The following ARPP21 variants were observed in gnomAD, a reference collection of about 807,000 sequenced individuals.
ARPP21 encodes the protein cAMP regulated phosphoprotein 21, also known as cAMP-regulated phosphoprotein 21.
ARPP21 carries 69 observed loss-of-function variants against 113.2 expected under a neutral mutation model. The ratio of observed to expected loss-of-function variants is 0.61; its 90% CI spans 0.50 to 0.74. The LOEUF is 0.74. ARPP21 is among the 30% of genes least tolerant of loss of function. The probability of loss-of-function intolerance (pLI) is 0.00; values close to 1 mark genes in which losing one functional copy is unlikely to be tolerated. For missense variants in ARPP21, 1,070 were observed against 1,037.4 expected (o/e 1.03, Z -0.43); for synonymous variants, 368 against 375.5 (o/e 0.98, Z 0.23).
In ARPP21 at chr3:35,691,012, C is replaced by T; in HGVS notation, c.686+7C>T. The T allele has an allele frequency of 6.2e-7, 1 of 1,603,486 alleles. No individual in the cohort carries two copies. Among genetic ancestry groups the T allele is most frequent in the Non-Finnish European group, 8.5e-7 (1 of 1,175,530 alleles). On this transcript the variant is annotated splice_region_variant and intron_variant, in intron 9 of 20. Transcript: ENST00000684406. ...AGACCAGCAGCACCAGAATGTAAGC[C>T]CCATCACTGTACTTATTTAGCATTT...
chr3:35,699,708 T>C (rs1184737990), intron 9 of ARPP21, among the ~76,000 whole-genome samples: 2 of 151,722 alleles, frequency 1.3e-5, no homozygotes, highest in Admixed American at 1.3e-4. Context: ...ATTTGGCAAT[T>C]CCCTGTCAAG....
At chr3:35,686,826 G>C (rs2080749267) in intron 5 of ARPP21, among the ~76,000 whole-genome samples, 1 of 151,348 alleles carries the variant, frequency 6.6e-6, no homozygotes, top group Non-Finnish European at 1.5e-5. Context: ...ATATGATTTG[G>C]CTCATTCTTC....
At chr3:35,755,361 T>C (rs1275279466) in intron 19 of ARPP21, among the ~76,000 whole-genome samples, 3 of 152,042 alleles carry the variant, frequency 2.0e-5, no homozygotes, top group Non-Finnish European at 4.4e-5. Context: ...TTTCTATCTT[T>C]AACTCTTGAC....
At chr3:35,745,365 C>A (rs2094960170) in intron 19 of ARPP21, among the ~76,000 whole-genome samples, 1 of 152,140 alleles carries the variant, frequency 6.6e-6, no homozygotes. Context: ...GGTTAATTTA[C>A]AATCTTGAGG....
chr3:35,697,341 C>G (rs2084451253), intron 9 of ARPP21, among the ~76,000 whole-genome samples: 1 of 151,660 alleles, frequency 6.6e-6, no homozygotes, highest in Non-Finnish European at 1.5e-5. Flanking sequence ...GAGGCTATAC[C>G]TTAAGTGCCC....
chr3:35,731,082 T>C (rs1024902292), intron 15 of ARPP21, among the ~76,000 whole-genome samples: 1 of 152,208 alleles, frequency 6.6e-6, no homozygotes, highest in Admixed American at 6.5e-5. Flanking sequence ...TTCTTTCACT[T>C]TTAATTGAGA....
At chr3:35,656,919 A>T (rs1243789057) in intron 1 of ARPP21, among the ~76,000 whole-genome samples, 1 of 152,082 alleles carries the variant, frequency 6.6e-6, no homozygotes, top group African/African-American at 2.4e-5. Context: ...TAAATAAAAT[A>T]TGCTTTATTT....
intron 5 of ARPP21, 100 bp from the exon 6 acceptor site, chr3:35,687,639 T>C: frequency 9.1e-7 from 1 of 1,099,680 alleles, no homozygotes. Flanking sequence ...AATCTGCACC[T>C]GGTTTTCATT....
At chr3:35,789,952 C>G (rs773921449) in intron 19 of ARPP21, among the ~76,000 whole-genome samples, 7 of 152,136 alleles carry the variant, frequency 4.6e-5, no homozygotes, top group South Asian at 2.1e-4. Context: ...AAACAAATGC[C>G]TCTGTGAAAG....
At chr3:35,705,701 G>A (rs2088654191) in intron 9 of ARPP21, among the ~76,000 whole-genome samples, 1 of 151,972 alleles carries the variant, frequency 6.6e-6, no homozygotes, top group Non-Finnish European at 1.5e-5. Context: ...CTTTAAAAGA[G>A]GCAAAAATTA....
chr3:35,737,349 C>T lies in ARPP21; in HGVS notation c.1631C>T (p.Pro544Leu), dbSNP rs993360575. 6.2e-7 allele frequency: 1 copy of T among 1,608,910 alleles called. No homozygotes were observed. Among genetic ancestry groups the T allele is most frequent in the Non-Finnish European group, 8.5e-7 (1 of 1,176,752 alleles). The change falls in exon 16 of 21, where the codon CCT (proline) becomes CTT (leucine). Residue 544 changes from proline (P) to leucine (L), a missense_variant. Transcript: ENST00000684406. ...CCACCGCAGCCACAGATGGCAGGCC[C>T]TCTGGTCACTCAGGTAGGGGGCTGG... is the stretch of plus-strand genomic sequence containing the variant. ...VQPPQPQMAG[P>L]LVTQSVQGLQ... is the part of the protein sequence containing the mutation.
chr3:35,750,010 TTTCA>T (rs758292298), intron 19 of ARPP21, among the ~76,000 whole-genome samples: 23 of 151,960 alleles, frequency 1.5e-4, no homozygotes, highest in Non-Finnish European at 2.9e-4. Flanking sequence ...ACTAGCTCTG[TTTCA>T]TTGATTTTTC....
chr3:35,699,155 T>A (rs532095646), intron 9 of ARPP21, among the ~76,000 whole-genome samples: 1 of 151,716 alleles, frequency 6.6e-6, no homozygotes, highest in South Asian at 2.1e-4. Flanking sequence ...AAATACATAC[T>A]ACGTATCATA....
intron 19 of ARPP21, among the ~76,000 whole-genome samples, chr3:35,769,788 G>A (rs547384416): frequency 1.0e-3 from 158 of 152,172 alleles, no homozygotes; most frequent in African/African-American, 3.2e-3. Context: ...ACACATTCCC[G>A]TAACTAAAGC....
At chr3:35,729,209 G>A in intron 14 of ARPP21, 94 bp from the exon 15 acceptor site, 2 of 802,856 alleles carry the variant, frequency 2.5e-6, no homozygotes, top group South Asian at 3.2e-5. Context: ...ATTCTTTAAT[G>A]ATGTGTCGCA....
intron 1 of ARPP21, among the ~76,000 whole-genome samples, chr3:35,662,793 T>C (rs1158541317): frequency 2.0e-5 from 3 of 152,116 alleles, no homozygotes; most frequent in African/African-American, 7.2e-5. Flanking sequence ...GCCCACCAAG[T>C]GAAATCTACC....
At chr3:35,749,293 A>C (rs1436992126) in intron 19 of ARPP21, among the ~76,000 whole-genome samples, 1 of 152,162 alleles carries the variant, frequency 6.6e-6, no homozygotes, top group Non-Finnish European at 1.5e-5. Flanking sequence ...TTCAAATCAC[A>C]CACTAGAAAG....
chr3:35,730,676 A>G (rs2093898221), intron 15 of ARPP21, among the ~76,000 whole-genome samples: 1 of 152,240 alleles, frequency 6.6e-6, no homozygotes, highest in African/African-American at 2.4e-5. Context: ...TCAAAAATGC[A>G]AAACTGGATA....
intron 14 of ARPP21, among the ~76,000 whole-genome samples, chr3:35,725,012 C>G (rs568050832): frequency 6.6e-6 from 1 of 152,312 alleles, no homozygotes; most frequent in African/African-American, 2.4e-5. Flanking sequence ...ATTATTGCAA[C>G]AGGGATCAAG....
Sources: allele counts gnomAD v4.1 joint callset (sites outside exome capture counted in the v4.1 genomes callset), GRCh38; gene constraint gnomAD v4.1.1; transcripts MANE v1.5; gene names NCBI Gene and HGNC (gene_info 2026-07-23, HGNC 2026-07-21).